AKT3: variants seen among roughly 807,000 people sequenced by gnomAD.
The protein encoded by AKT3 is AKT serine/threonine kinase 3.
Under a neutral mutation model 65.3 loss-of-function variants are expected in AKT3, and 15 were observed. That is an observed-to-expected ratio of 0.23 (90% CI 0.15 to 0.35). The LOEUF (loss-of-function observed/expected upper bound fraction) is 0.35. Ranked by LOEUF, AKT3 falls within the 10% of genes least tolerant of loss-of-function variation. The probability of loss-of-function intolerance (pLI) is 1.00; values close to 1 mark genes in which losing one functional copy is unlikely to be tolerated. For synonymous variants in AKT3, 206 were observed against 183.8 expected (o/e 1.12, Z -0.98); for missense variants, 243 against 576.5 (o/e 0.42, Z 5.92).
chr1:243,658,406 T>C (rs1440345054), intron 4 of AKT3, among the ~76,000 whole-genome samples: 1 of 152,064 alleles, frequency 6.6e-6, no homozygotes, highest in African/African-American at 2.4e-5. Flanking sequence ...CGATGAAATA[T>C]CACCTTACAC....
intron 6 of AKT3, among the ~76,000 whole-genome samples, chr1:243,632,592 T>TA (rs1365763543): frequency 6.6e-6 from 1 of 152,204 alleles, no homozygotes; most frequent in Non-Finnish European, 1.5e-5. Flanking sequence ...ACCAACTGCA[T>TA]AGCCACTACT....
At chr1:243,610,690 T>C (rs1252947309) in intron 8 of AKT3, among the ~76,000 whole-genome samples, 3 of 152,202 alleles carry the variant, frequency 2.0e-5, no homozygotes, top group Non-Finnish European at 4.4e-5. Flanking sequence ...ATCTTATCCC[T>C]GGCCACTCAG....
At chr1:243,553,663 A>T (rs1673222515) in intron 10 of AKT3, among the ~76,000 whole-genome samples, 2 of 152,130 alleles carry the variant, frequency 1.3e-5, no homozygotes, top group South Asian at 4.1e-4. Context: ...ATGTCCTTAA[A>T]TTTTTCCCAA....
At chr1:243,589,306 C>CAAAAAAAAA (rs758254217) in intron 8 of AKT3, among the ~76,000 whole-genome samples, 8 of 40,802 alleles carry the variant, frequency 2.0e-4, no homozygotes, top group East Asian at 5.2e-4. Flanking sequence ...AACTCCATCT[C>CAAAAAAAAA]AAAAAAAAAA....
intron 2 of AKT3, among the ~76,000 whole-genome samples, chr1:243,813,330 C>G (rs1191944677): frequency 6.6e-6 from 1 of 151,866 alleles, no homozygotes; most frequent in African/African-American, 2.4e-5. Flanking sequence ...GTGGGATATT[C>G]ACAAAACAAG....
chr1:243,625,084 G>T, intron 6 of AKT3: 1 of 250,528 alleles, frequency 4.0e-6, no homozygotes. Flanking sequence ...TTTAGAGACA[G>T]AAGTGAGGAG....
chr1:243,615,060 T>A, intron 7 of AKT3, 36 bp downstream of exon 7: 1 of 1,398,262 alleles, frequency 7.2e-7, no homozygotes, highest in Non-Finnish European at 1.0e-6. Flanking sequence ...AAATTTCAAA[T>A]GTTACGATTA....
At chr1:243,666,104 A>C (rs1443097164) in intron 3 of AKT3, among the ~76,000 whole-genome samples, 1 of 152,088 alleles carries the variant, frequency 6.6e-6, no homozygotes, top group Non-Finnish European at 1.5e-5. Flanking sequence ...GCTGGGTTCA[A>C]GTGATTGTCA....
chr1:243,762,525 C>T (rs762674800), intron 2 of AKT3, among the ~76,000 whole-genome samples: 6 of 151,990 alleles, frequency 3.9e-5, no homozygotes, highest in African/African-American at 1.2e-4. Context: ...GACTGTTTTC[C>T]GTACTATTAA....
chr1:243,754,626 A>G (rs1558781000), intron 2 of AKT3, among the ~76,000 whole-genome samples: 1 of 152,194 alleles, frequency 6.6e-6, no homozygotes, highest in Non-Finnish European at 1.5e-5. Context: ...AGCTGTGGCA[A>G]CAGATTCTCA....
intron 12 of AKT3, among the ~76,000 whole-genome samples, chr1:243,516,446 T>G (rs181528873): frequency 6.6e-6 from 1 of 152,352 alleles, no homozygotes; most frequent in African/African-American, 2.4e-5. Context: ...TCATCAATTT[T>G]CTCTATGATT....
chr1:243,802,254 G>A (rs1558824576), intron 2 of AKT3, among the ~76,000 whole-genome samples: 2 of 152,106 alleles, frequency 1.3e-5, no homozygotes, highest in African/African-American at 2.4e-5. Flanking sequence ...CTACTGGTAA[G>A]GTAGAGTCAA....
intron 2 of AKT3, among the ~76,000 whole-genome samples, chr1:243,814,229 T>G (rs1693371019): frequency 2.6e-5 from 4 of 152,204 alleles, no homozygotes; most frequent in South Asian, 2.1e-4. Context: ...GAAAGTAATA[T>G]TCTCTTCTTT....
At chr1:243,696,134 A>C (rs1383700908) in intron 2 of AKT3, among the ~76,000 whole-genome samples, 1 of 151,590 alleles carries the variant, frequency 6.6e-6, no homozygotes, top group African/African-American at 2.4e-5. Flanking sequence ...TTTCTCTTCC[A>C]CTAATTGTGT....
In AKT3 at chr1:243,593,929, G is replaced by A. The variant is rs190550635; in HGVS notation, c.696+19742C>T. Among the ~76,000 whole-genome samples, 4 of 152,250 alleles carry A rather than the reference G, an allele frequency of 2.6e-5. No individual in the cohort carries two copies. The East Asian group carries it at 5.8e-4, about 22-fold the overall frequency. On this transcript the variant is annotated intron_variant, in intron 8 of 13. Coordinates refer to ENST00000673466, the MANE Select transcript of AKT3 (RefSeq NM_005465.7). ...TTCAACACTGCACTAGCAGTCACAG[G>A]CAGTGAAAGATGCATAGACAGATAG...
At chr1:243,724,599 T>C (rs1044251963) in intron 2 of AKT3, among the ~76,000 whole-genome samples, 5 of 152,184 alleles carry the variant, frequency 3.3e-5, no homozygotes, top group Non-Finnish European at 7.3e-5. Flanking sequence ...TGGCACTTAA[T>C]ACAAATGCAT....
rs774893721 is a variant in AKT3 at position 243,686,005 on chromosome 1, A to C, written c.172+9586T>G. 1.3e-3 allele frequency among the ~76,000 whole-genome samples: 201 copies of C among 152,328 alleles called. 2 individuals carry two copies. Among genetic ancestry groups the C allele is most frequent in the Non-Finnish European group, 2.0e-3 (136 of 68,034 alleles). On this transcript the variant is annotated intron_variant, in intron 3 of 13. Transcript: ENST00000673466. Reference sequence around the variant, plus strand: ...AATCATGAGTGAACTCCTATTCACAATTGCTACAAAGAGAACAAAATACCT... The same window carrying C: ...AATCATGAGTGAACTCCTATTCACACTTGCTACAAAGAGAACAAAATACCT...
At chr1:243,621,373 C>T (rs1284713598) in intron 6 of AKT3, among the ~76,000 whole-genome samples, 1 of 152,144 alleles carries the variant, frequency 6.6e-6, no homozygotes, top group Admixed American at 6.6e-5. Flanking sequence ...CCCAGGACAT[C>T]CTAATCTCTT....
chr1:243,657,054 T>C (rs1391071418), intron 4 of AKT3, among the ~76,000 whole-genome samples: 1 of 152,212 alleles, frequency 6.6e-6, no homozygotes, highest in Non-Finnish European at 1.5e-5. Flanking sequence ...ATACTAGGTC[T>C]ACAAAGAATA....
Sources: gnomAD v4.1 joint callset for allele counts (sites outside exome capture counted in the v4.1 genomes callset) on GRCh38, gnomAD v4.1.1 for gene constraint, MANE v1.5 for transcripts, NCBI Gene and HGNC (gene_info 2026-07-23, HGNC 2026-07-21) for gene names.